KIFAP3: variants seen among roughly 807,000 people sequenced by gnomAD.
The protein encoded by KIFAP3 is kinesin-associated protein 3.
Under a neutral mutation model 106.5 loss-of-function variants are expected in KIFAP3, and 68 were observed. The ratio of observed to expected loss-of-function variants is 0.64; its 90% confidence interval spans 0.53 to 0.78. The LOEUF (loss-of-function observed/expected upper bound fraction) is 0.78, where lower values mean the gene tolerates loss of function less well. Ranked by LOEUF, KIFAP3 falls within the 30% of genes least tolerant of loss-of-function variation. The pLI is 0.00. For synonymous variants in KIFAP3, 320 were observed against 311.5 expected (o/e 1.03, Z -0.29); for missense variants, 780 against 941.8 (o/e 0.83, Z 2.25).
intron 1 of KIFAP3, among the ~76,000 whole-genome samples, chr1:170,071,700 G>C (rs1432980052): frequency 1.3e-5 from 2 of 152,170 alleles, no homozygotes; most frequent in Non-Finnish European, 2.9e-5. Context: ...AGCAAGAACA[G>C]CACCAAGCCA....
intron 3 of KIFAP3, among the ~76,000 whole-genome samples, chr1:170,041,321 A>G (rs1433392240): frequency 6.6e-6 from 1 of 152,224 alleles, no homozygotes; most frequent in African/African-American, 2.4e-5. Flanking sequence ...ACTTAGTCCA[A>G]TCAAAACTTG....
intron 5 of KIFAP3, among the ~76,000 whole-genome samples, chr1:170,036,496 T>C (rs1669699952): frequency 6.6e-6 from 1 of 152,072 alleles, no homozygotes; most frequent in African/African-American, 2.4e-5. Context: ...TTATTCACAT[T>C]CACAATGCAG....
At chr1:170,032,626 A>G (rs1194128730) in intron 7 of KIFAP3, among the ~76,000 whole-genome samples, 2 of 151,720 alleles carry the variant, frequency 1.3e-5, no homozygotes, top group African/African-American at 4.8e-5. Flanking sequence ...ACCCCAGAAT[A>G]TGAGTCAATG....
intron 10 of KIFAP3, among the ~76,000 whole-genome samples, chr1:170,009,209 A>C (rs1271007256): frequency 6.6e-6 from 1 of 152,146 alleles, no homozygotes; most frequent in Non-Finnish European, 1.5e-5. Flanking sequence ...CCTATGTAAC[A>C]AACCTGCACA....
At chr1:170,037,567 TAAA>T (rs754282799) in intron 5 of KIFAP3, among the ~76,000 whole-genome samples, 1 of 137,570 alleles carries the variant, frequency 7.3e-6, no homozygotes. Flanking sequence ...CTGTCTCTAC[TAAA>T]AAAAAAAAAA....
chr1:170,027,639 TC>T, intron 8 of KIFAP3, among the ~76,000 whole-genome samples: 1 of 151,670 alleles, frequency 6.6e-6, no homozygotes, highest in African/African-American at 2.4e-5. Context: ...ACAGAAACTA[TC>T]CAAAATTAAA....
At chr1:170,005,549 C>G (rs1667907091) in intron 10 of KIFAP3, among the ~76,000 whole-genome samples, 1 of 151,790 alleles carries the variant, frequency 6.6e-6, no homozygotes, top group Non-Finnish European at 1.5e-5. Flanking sequence ...GAGTTCATGT[C>G]CTTTGCAGGG....
upstream of KIFAP3, among the ~76,000 whole-genome samples, chr1:170,076,518 A>G (rs1413717049): frequency 2.0e-5 from 3 of 152,260 alleles, no homozygotes; most frequent in Admixed American, 6.5e-5. Context: ...AAAGAAATCC[A>G]TAATGATACT....
intron 11 of KIFAP3, among the ~76,000 whole-genome samples, chr1:169,985,726 T>C (rs1486628842): frequency 6.6e-6 from 1 of 151,698 alleles, no homozygotes; most frequent in Non-Finnish European, 1.5e-5. Flanking sequence ...GCAGGCTAAA[T>C]CCAATCACTT....
At chr1:170,082,844 A>G (rs1342561972) in intron 1 of KIFAP3, among the ~76,000 whole-genome samples, 1 of 152,066 alleles carries the variant, frequency 6.6e-6, no homozygotes, top group Admixed American at 6.6e-5. Flanking sequence ...GTGGTGGGGC[A>G]TGCATTTAAT....
intron 11 of KIFAP3, among the ~76,000 whole-genome samples, chr1:169,987,327 C>T (rs1666879662): frequency 6.6e-6 from 1 of 151,928 alleles, no homozygotes; most frequent in South Asian, 2.1e-4. Flanking sequence ...CAGACAAGTC[C>T]CATATTGAGT....
At chr1:170,084,202 C>G (rs962125106) in intron 1 of KIFAP3, among the ~76,000 whole-genome samples, 2 of 152,166 alleles carry the variant, frequency 1.3e-5, no homozygotes, top group Non-Finnish European at 2.9e-5. Context: ...TTTGTTCCAT[C>G]AAGCAAAACT....
At chr1:170,069,576 C>T (rs1246450175) in intron 1 of KIFAP3, among the ~76,000 whole-genome samples, 2 of 152,086 alleles carry the variant, frequency 1.3e-5, no homozygotes, top group African/African-American at 4.8e-5. Flanking sequence ...ATGATTATCT[C>T]AATCGATGCA....
At chr1:170,075,979 C>T (rs1470169204), upstream of KIFAP3, among the ~76,000 whole-genome samples, 2 of 152,204 alleles carry the variant, frequency 1.3e-5, no homozygotes, top group African/African-American at 2.4e-5. Context: ...TCATTTATAA[C>T]ACCTTTAATG....
intron 19 of KIFAP3, among the ~76,000 whole-genome samples, chr1:169,927,291 G>T (rs1463776255): frequency 1.3e-5 from 2 of 152,146 alleles, no homozygotes; most frequent in Non-Finnish European, 2.9e-5. Context: ...CATAGTCCTT[G>T]ACTATAAGGA....
At chr1:170,004,412 C>A (rs1473590013) in intron 10 of KIFAP3, among the ~76,000 whole-genome samples, 1 of 151,812 alleles carries the variant, frequency 6.6e-6, no homozygotes, top group African/African-American at 2.4e-5. Flanking sequence ...AATCCTAAGC[C>A]AAAAGAACAA....
chr1:169,925,295 T>C (rs1462170562), intron 19 of KIFAP3, among the ~76,000 whole-genome samples: 1 of 152,090 alleles, frequency 6.6e-6, no homozygotes, highest in Non-Finnish European at 1.5e-5. Flanking sequence ...AATACATAAT[T>C]CTGGTCCAAA....
At chr1:169,985,339 G>A (rs1184040074) in intron 11 of KIFAP3, among the ~76,000 whole-genome samples, 1 of 151,748 alleles carries the variant, frequency 6.6e-6, no homozygotes, top group Non-Finnish European at 1.5e-5. Context: ...TGAGAAGATG[G>A]GTGTCTGAAC....
At chr1:170,038,510 T>A in intron 4 of KIFAP3, 79 bp from the exon 5 acceptor site, 1 of 1,380,044 alleles carries the variant, frequency 7.2e-7, no homozygotes, top group Non-Finnish European at 9.9e-7. Flanking sequence ...TTGTGATCAA[T>A]ATACTGGCCT....
Sources: allele counts gnomAD v4.1 joint callset (sites outside exome capture counted in the v4.1 genomes callset), GRCh38; gene constraint gnomAD v4.1.1; transcripts MANE v1.5; gene names NCBI Gene and HGNC (gene_info 2026-07-23, HGNC 2026-07-21).